Variants in ARG2 observed in about 807,000 individuals in gnomAD.
ARG2 encodes the protein arginase 2.
A neutral mutation model predicts 39.4 loss-of-function variants in ARG2; 21 were observed. The ratio of observed to expected loss-of-function variants is 0.53; its 90% CI spans 0.38 to 0.77. The LOEUF is 0.77. Among genes scored for constraint, ARG2 ranks in the 30% least tolerant of loss-of-function variants. The pLI is 0.00. For missense variants in ARG2, 378 were observed against 426.2 expected (o/e 0.89, Z 1.00); for synonymous variants, 150 against 156.7 (o/e 0.96, Z 0.32).
At chr14:67,626,871 T>C (rs916432606) in intron 2 of ARG2, among the ~76,000 whole-genome samples, 3 of 152,308 alleles carry the variant, frequency 2.0e-5, no homozygotes, top group Middle Eastern at 3.4e-3. Flanking sequence ...ATCCATATAA[T>C]GGAGTATTAT....
At chr14:67,633,365 T>C (rs1476325240) in intron 2 of ARG2, among the ~76,000 whole-genome samples, 2 of 152,162 alleles carry the variant, frequency 1.3e-5, no homozygotes, top group African/African-American at 2.4e-5. Context: ...CTATGACATA[T>C]TCTATGGCGA....
At chr14:67,641,633 A>G (rs2037031812) in intron 2 of ARG2, among the ~76,000 whole-genome samples, 1 of 152,204 alleles carries the variant, frequency 6.6e-6, no homozygotes, top group Non-Finnish European at 1.5e-5. Flanking sequence ...GGCTATTTAT[A>G]AAAGTTTATA....
chr14:67,645,920 T>G, intron 4 of ARG2, 118 bp downstream of exon 4: 1 of 1,168,334 alleles, frequency 8.6e-7, no homozygotes, highest in African/African-American at 1.5e-5. Flanking sequence ...ACTCCTTCAT[T>G]TGTTCATCAC....
intron 2 of ARG2, among the ~76,000 whole-genome samples, chr14:67,638,168 C>T (rs757324232): frequency 2.6e-5 from 4 of 152,106 alleles, no homozygotes; most frequent in Admixed American, 6.6e-5. Context: ...TGGGCTCAAA[C>T]ATATTTTGCT....
At chr14:67,626,461 C>A (rs1488234191) in intron 2 of ARG2, among the ~76,000 whole-genome samples, 1 of 152,146 alleles carries the variant, frequency 6.6e-6, no homozygotes, top group Admixed American at 6.5e-5. Context: ...GTTACTGTGT[C>A]CTCAAGCAAA....
In ARG2 at chr14:67,633,171, C is replaced by G. The variant is rs536153122; in HGVS notation, c.185-9015C>G. ...GTTCACATTGCCTGATTAAGTTACACTTTTTAGGTTTATTTTGTTGTTTTT... is the reference window on the plus strand; with the variant it reads ...GTTCACATTGCCTGATTAAGTTACAGTTTTTAGGTTTATTTTGTTGTTTTT... On this transcript the variant is annotated intron_variant, in intron 2 of 7. Transcript: ENST00000261783. Among the ~76,000 whole-genome samples, 12 of 152,212 alleles carry G rather than the reference C, an allele frequency of 7.9e-5. No homozygotes were observed. In the East Asian group the frequency reaches 2.3e-3, roughly 29 times the overall value.
chr14:67,624,029 C>T (rs148248893), intron 2 of ARG2, among the ~76,000 whole-genome samples: 1,741 of 151,914 alleles, frequency 0.011, 11 homozygotes, highest in Non-Finnish European at 0.018. Flanking sequence ...TTTGTAGAGC[C>T]GGGGTCTCAC....
At chr14:67,623,514 C>G (rs1480058515) in intron 2 of ARG2, among the ~76,000 whole-genome samples, 1 of 144,036 alleles carries the variant, frequency 6.9e-6, no homozygotes, top group African/African-American at 2.5e-5. Context: ...TAAGGACACT[C>G]AACAGTACTC....
intron 2 of ARG2, among the ~76,000 whole-genome samples, chr14:67,634,585 C>T (rs990843057): frequency 6.9e-5 from 10 of 145,650 alleles, no homozygotes; most frequent in African/African-American, 2.5e-4. Context: ...CAGAACCAGA[C>T]CGTGTCTCCA....
intron 2 of ARG2, among the ~76,000 whole-genome samples, chr14:67,639,924 C>CCA (rs1648970169): frequency 1.6e-5 from 1 of 61,830 alleles, no homozygotes; most frequent in Non-Finnish European, 2.9e-5. Flanking sequence ...GACCCTGTCT[C>CCA]AAAAAAAAAA....
In ARG2 at chr14:67,651,538, A is replaced by G; in HGVS notation, c.*618A>G. 1 of 1,590,680 alleles carries G rather than the reference A, an allele frequency of 6.3e-7. No homozygotes were observed. Among genetic ancestry groups the G allele is most frequent in the Non-Finnish European group, 8.6e-7 (1 of 1,166,500 alleles). On this transcript the variant is annotated 3_prime_UTR_variant, in exon 8 of 8. Transcript: ENST00000261783. ...GAAGTTTGGATAACCTTCCTTCTAA[A>G]CATTTTGGGGTTAGACCTGGGACCA...
At chr14:67,626,693 C>T (rs1185362862) in intron 2 of ARG2, among the ~76,000 whole-genome samples, 6 of 152,124 alleles carry the variant, frequency 3.9e-5, no homozygotes, top group Admixed American at 2.6e-4. Context: ...CTCCTAGCCT[C>T]AAGTGATCCA....
At chr14:67,620,239 C>T in intron 1 of ARG2, 151 bp downstream of exon 1, 1 of 274,280 alleles carries the variant, frequency 3.6e-6, no homozygotes, top group Non-Finnish European at 7.2e-6. Flanking sequence ...TACTGGGCAC[C>T]GTGGGAGCAT....
At chr14:67,640,610 G>A (rs889534648) in intron 2 of ARG2, among the ~76,000 whole-genome samples, 4 of 152,160 alleles carry the variant, frequency 2.6e-5, no homozygotes, top group Non-Finnish European at 5.9e-5. Context: ...ACAAATCTCT[G>A]CAAATATTAA....
chr14:67,637,410 CAAAAA>C (rs34746542), intron 2 of ARG2, among the ~76,000 whole-genome samples: 4 of 103,618 alleles, frequency 3.9e-5, no homozygotes, highest in African/African-American at 4.5e-5. Context: ...GACTCTGTCT[CAAAAA>C]AAAAAAAAAA....
Position 67,642,147 on chromosome 14 carries a change from C to T in ARG2, c.185-39C>T, listed in dbSNP as rs776211352. The T allele has an allele frequency of 5.2e-5, 83 of 1,600,414 alleles. No individual in the cohort carries two copies. The Admixed American group carries it at 1.4e-3, about 26-fold the overall frequency. On this transcript the variant is annotated intron_variant, in intron 2 of 7. Coordinates refer to ENST00000261783, the MANE Select transcript of ARG2 (RefSeq NM_001172.4). The stretch of plus-strand genomic sequence containing the variant: ...CAGGCTAGTTAAGAGTTGGAGATAG[C>T]ACAGAAAATTCATCTTGTCATCCCT...
At chr14:67,645,567 GT>G in intron 3 of ARG2, 75 bp from the exon 4 acceptor site, 1 of 1,525,826 alleles carries the variant, frequency 6.6e-7, no homozygotes, top group Non-Finnish European at 8.9e-7. Flanking sequence ...AGTATAAGTT[GT>G]TTTGGCTGAG....
At chr14:67,633,203 T>C (rs959532572) in intron 2 of ARG2, among the ~76,000 whole-genome samples, 1 of 152,214 alleles carries the variant, frequency 6.6e-6, no homozygotes. Flanking sequence ...TTTTTGTTTT[T>C]AAGTTTGAGT....
chr14:67,651,019 C>A lies in ARG2; in HGVS notation c.*99C>A. 8.1e-7 allele frequency: 1 copy of A among 1,228,380 alleles called. No homozygotes were observed. The allele number at this position is 1,228,380 out of a possible 1,614,324, so 76.1% of individuals were successfully genotyped here. A position where few individuals can be genotyped will look rare whatever the true frequency, so the allele number is the denominator to read the frequency against. Reference sequence around the variant, plus strand: ...TAAATGGTTGTCTGGGTCAATACTGCCTTAATGAGAACATTTACACATTCT... The same window carrying A: ...TAAATGGTTGTCTGGGTCAATACTGACTTAATGAGAACATTTACACATTCT... On this transcript the variant is annotated 3_prime_UTR_variant, in exon 8 of 8. Coordinates refer to ENST00000261783, the MANE Select transcript of ARG2 (RefSeq NM_001172.4).
Sources: allele counts gnomAD v4.1 joint callset (sites outside exome capture counted in the v4.1 genomes callset), GRCh38; gene constraint gnomAD v4.1.1; transcripts MANE v1.5; gene names NCBI Gene and HGNC (gene_info 2026-07-23, HGNC 2026-07-21).